The following WDR70 variants were observed in gnomAD, a reference collection of about 807,000 sequenced individuals.
WDR70 encodes WD repeat-containing protein 70.
In WDR70, 53 loss-of-function variants were observed where a neutral mutation model predicts 88.6. The ratio of observed to expected loss-of-function variants is 0.60; its 90% CI spans 0.48 to 0.75. The LOEUF (loss-of-function observed/expected upper bound fraction) is 0.75. Ranked by LOEUF, WDR70 falls within the 30% of genes least tolerant of loss-of-function variation. WDR70 has a pLI of 0.00. For synonymous variants in WDR70, 280 were observed against 270.0 expected (o/e 1.04, Z -0.36); for missense variants, 610 against 823.2 (o/e 0.74, Z 3.17).
intron 7 of WDR70, among the ~76,000 whole-genome samples, chr5:37,471,790 G>T (rs956011467): frequency 7.2e-5 from 11 of 151,838 alleles, no homozygotes; most frequent in African/African-American, 2.7e-4. Context: ...TATGTGTGTT[G>T]TAAAATAAGG....
At chr5:37,723,061 G>A in intron 15 of WDR70, 127 bp downstream of exon 15, 1 of 1,099,542 alleles carries the variant, frequency 9.1e-7, no homozygotes, top group Non-Finnish European at 1.4e-6. Flanking sequence ...GCCCATTCAT[G>A]TGGATAGGAC....
intron 9 of WDR70, among the ~76,000 whole-genome samples, chr5:37,523,529 A>G (rs1000128155): frequency 2.0e-5 from 3 of 152,318 alleles, no homozygotes; most frequent in Admixed American, 6.5e-5. Flanking sequence ...AAAGATGGGG[A>G]AAAAATAGAG....
intron 5 of WDR70, among the ~76,000 whole-genome samples, 176 bp from the exon 6 acceptor site, chr5:37,437,746 T>C (rs3776597): frequency 0.77 from 117,508 of 151,996 alleles, 48,896 homozygotes; most frequent in East Asian, 0.96. Context: ...CCCATTGTAG[T>C]GTATCTAGAA....
chr5:37,650,154 T>G (rs1745358463), intron 10 of WDR70, among the ~76,000 whole-genome samples: 1 of 150,786 alleles, frequency 6.6e-6, no homozygotes, highest in South Asian at 2.1e-4. Context: ...TCCCAGCACT[T>G]TGGGAGGCCA....
intron 10 of WDR70, among the ~76,000 whole-genome samples, chr5:37,694,710 G>T (rs575552666): frequency 1.3e-5 from 2 of 152,058 alleles, no homozygotes; most frequent in South Asian, 4.2e-4. Flanking sequence ...GTGTGGGACT[G>T]GGGGAGGGAT....
intron 17 of WDR70, among the ~76,000 whole-genome samples, chr5:37,732,642 C>G (rs1047849455): frequency 1.5e-4 from 23 of 152,048 alleles, no homozygotes; most frequent in Non-Finnish European, 2.9e-5. Context: ...TCTTAAAGCC[C>G]TTAAAACCCT....
At chr5:37,609,679 C>CCAGG (rs1201114271) in intron 10 of WDR70, among the ~76,000 whole-genome samples, 1 of 152,192 alleles carries the variant, frequency 6.6e-6, no homozygotes, top group Non-Finnish European at 1.5e-5. Flanking sequence ...CAAGCCCTTG[C>CCAGG]CCAGATTCTT....
intron 7 of WDR70, among the ~76,000 whole-genome samples, chr5:37,443,689 C>T (rs914275666): frequency 2.0e-5 from 3 of 152,172 alleles, no homozygotes; most frequent in African/African-American, 7.2e-5. Flanking sequence ...CCCGTCTCTA[C>T]TAAAATTACA....
intron 8 of WDR70, chr5:37,505,884 A>G (rs1740544452): frequency 5.2e-6 from 7 of 1,353,108 alleles, no homozygotes; most frequent in Admixed American, 1.7e-5. Flanking sequence ...AGCCACTCTC[A>G]AGTTAATTCC....
At position 37,540,894 on chromosome 5, in the gene WDR70, T is replaced by A. The variant is rs190453432; in HGVS notation, c.917+24304T>A. Among the ~76,000 whole-genome samples, 30 of 152,354 alleles carry A rather than the reference T, an allele frequency of 2.0e-4. 1 individual carries two copies. The highest frequency in any genetic ancestry group is 1.6e-3 in the Admixed American group (24 of 15,302). ...TGTATGTTTTGATATTTTATTTTTT[T>A]AAAATCTACTTAATACTTTATTAAG... On this transcript the variant is annotated intron_variant, in intron 9 of 17. Transcript: ENST00000265107.
chr5:37,514,343 T>C (rs75569416), intron 8 of WDR70, among the ~76,000 whole-genome samples: 37 of 68,734 alleles, frequency 5.4e-4, no homozygotes, highest in African/African-American at 1.3e-3. Flanking sequence ...GAACTACATA[T>C]ATATATATAT....
At chr5:37,558,456 C>CTA (rs1157034366) in intron 9 of WDR70, among the ~76,000 whole-genome samples, 1 of 151,578 alleles carries the variant, frequency 6.6e-6, no homozygotes, top group African/African-American at 2.4e-5. Flanking sequence ...GTAGCTGGGA[C>CTA]TATAGGTGCA....
chr5:37,465,092 T>C (rs570381296), intron 7 of WDR70, among the ~76,000 whole-genome samples: 1 of 152,324 alleles, frequency 6.6e-6, no homozygotes, highest in Non-Finnish European at 1.5e-5. Flanking sequence ...GTGTTTTCCT[T>C]ACAAGCTTAC....
At chr5:37,499,677 C>A (rs62359002) in intron 8 of WDR70, among the ~76,000 whole-genome samples, 5 of 147,572 alleles carry the variant, frequency 3.4e-5, no homozygotes, top group Non-Finnish European at 7.4e-5. Context: ...ACGATCCTCC[C>A]ACCTCAGCTG....
At chr5:37,473,250 C>G (rs1739381405) in intron 7 of WDR70, among the ~76,000 whole-genome samples, 1 of 149,842 alleles carries the variant, frequency 6.7e-6, no homozygotes, top group Non-Finnish European at 1.5e-5. Flanking sequence ...TTTTTTAAAT[C>G]AGTGTATTTT....
intron 14 of WDR70, chr5:37,722,228 A>G (rs1384728185): frequency 1.3e-5 from 2 of 152,242 alleles, no homozygotes; most frequent in African/African-American, 4.8e-5. Context: ...CTCATTTGAT[A>G]GCACCCATTT....
intron 5 of WDR70, among the ~76,000 whole-genome samples, chr5:37,417,387 G>C (rs1416088023): frequency 6.6e-6 from 1 of 151,882 alleles, no homozygotes. Flanking sequence ...ACCATGCCCG[G>C]CTAATTTTTC....
At chr5:37,419,340 G>T (rs946317979) in intron 5 of WDR70, among the ~76,000 whole-genome samples, 2 of 151,126 alleles carry the variant, frequency 1.3e-5, no homozygotes, top group African/African-American at 2.4e-5. Context: ...TGAGTAGCTG[G>T]GTTTATAGGC....
intron 10 of WDR70, among the ~76,000 whole-genome samples, chr5:37,677,707 A>G (rs1430742391): frequency 1.3e-5 from 2 of 151,936 alleles, no homozygotes; most frequent in African/African-American, 4.8e-5. Flanking sequence ...AAAAATGTGT[A>G]TTCTTTTGAT....
Sources: gnomAD v4.1 joint callset for allele counts (sites outside exome capture counted in the v4.1 genomes callset) on GRCh38, gnomAD v4.1.1 for gene constraint, MANE v1.5 for transcripts, NCBI Gene and HGNC (gene_info 2026-07-23, HGNC 2026-07-21) for gene names.